Variants in LETM1 observed in about 807,000 individuals in gnomAD.
LETM1 encodes the protein leucine zipper and EF-hand containing transmembrane protein 1, also known as mitochondrial proton/calcium exchanger protein.
Under a neutral mutation model 74.5 loss-of-function variants are expected in LETM1, and 50 were observed. That is an observed-to-expected ratio of 0.67 (90% CI 0.53 to 0.85). LETM1 has a LOEUF of 0.85. LETM1 is among the 40% of genes least tolerant of loss of function. The pLI, the probability that LETM1 is intolerant of heterozygous loss-of-function variation, is 0.00. For missense variants in LETM1, 824 were observed against 967.8 expected (o/e 0.85, Z 1.97); for synonymous variants, 446 against 407.1 (o/e 1.10, Z -1.15).
chr4:1,815,578 G>A, intron 13 of LETM1, 86 bp downstream of exon 13: 9 of 1,482,124 alleles, frequency 6.1e-6, no homozygotes, highest in South Asian at 1.2e-5. Flanking sequence ...CCAGGAGGGT[G>A]CCGGACATGC....
At chr4:1,822,922 G>A (rs1711837210) in intron 9 of LETM1, 66 bp downstream of exon 9, 2 of 1,293,694 alleles carry the variant, frequency 1.5e-6, no homozygotes, top group East Asian at 3.0e-5. Flanking sequence ...CTGTGGGCGT[G>A]CGGGGGTTTC....
In LETM1 at chr4:1,816,774, C is replaced by T; in HGVS notation, c.1884G>A (p.Met628Ile). 6.2e-7 allele frequency: 1 copy of T among 1,614,216 alleles called. No homozygotes were observed. Among genetic ancestry groups the T allele is most frequent in the South Asian group, 1.1e-5 (1 of 91,090 alleles). ...QIDGLISQLE[M>I]DQQAGKLAPA... ...GGGCCAGCTTGCCAGCCTGCTGGTC[C>T]ATCTCCAGCTGCGAGATCAAGCCAT... Residue 628 changes from methionine to isoleucine, a missense_variant, in exon 12 of 14, where the codon ATG becomes ATA. Physicochemically the swap from Met to Ile is conservative, Grantham distance 10. Around this residue, in one of 4 missense-constraint regions of LETM1, gnomAD observed 161 missense variants for 252.7 expected, o/e 0.64. Transcript: ENST00000302787.
rs1713192787 is a variant in LETM1, at chr4:1,855,102, G to A, written c.82+767C>T. 2.0e-5 allele frequency among the ~76,000 whole-genome samples: 3 copies of A among 152,132 alleles called. No homozygotes were observed. The South Asian group carries it at 6.2e-4, about 32-fold the overall frequency. On this transcript the variant is annotated intron_variant, in intron 1 of 13. Coordinates refer to ENST00000302787, the MANE Select transcript of LETM1 (RefSeq NM_012318.3). Reference sequence around the variant, plus strand: ...CTTGGGAGGCTGAGGCAGAAGGATAGCTTGAGCCCAGGAGTTTGAGGTGCA... The same window carrying A: ...CTTGGGAGGCTGAGGCAGAAGGATAACTTGAGCCCAGGAGTTTGAGGTGCA...
intron 6 of LETM1, among the ~76,000 whole-genome samples, chr4:1,829,998 C>T (rs908260943): frequency 1.3e-5 from 2 of 152,222 alleles, no homozygotes; most frequent in East Asian, 1.9e-4. Context: ...AGGGTTCACT[C>T]AGCTTCTGAA....
intron 6 of LETM1, among the ~76,000 whole-genome samples, chr4:1,828,172 C>T (rs1181319885): frequency 2.9e-5 from 3 of 104,600 alleles, no homozygotes; most frequent in Non-Finnish European, 4.0e-5. Flanking sequence ...TAGGGGCGGC[C>T]GGGCAGAGGC....
At chr4:1,814,599 T>G in intron 13 of LETM1, 26 bp from the exon 14 acceptor site, 1 of 1,602,590 alleles carries the variant, frequency 6.2e-7, no homozygotes, top group Non-Finnish European at 8.5e-7. Flanking sequence ...AGGGAGAGGC[T>G]CAGGTGGCTG....
chr4:1,816,713 A>C lies in LETM1; in HGVS notation c.1931+14T>G, dbSNP rs777172217. 287 of 1,609,654 alleles carry C rather than the reference A, an allele frequency of 1.8e-4. No homozygotes were observed. Among genetic ancestry groups the C allele is most frequent in the Non-Finnish European group, 2.3e-4 (274 of 1,176,564 alleles). On this transcript the variant is annotated intron_variant, in intron 12 of 13. Coordinates refer to ENST00000302787, the MANE Select transcript of LETM1 (RefSeq NM_012318.3). ...AGTCTCCGATCCCTCTCCCGCGCCC[A>C]CCACCCCACTCACCCCGTGGGCATG...
intron 2 of LETM1, among the ~76,000 whole-genome samples, chr4:1,842,006 C>T (rs1001875471): frequency 6.6e-6 from 1 of 152,144 alleles, no homozygotes; most frequent in Non-Finnish European, 1.5e-5. Context: ...CCCCCTCAGC[C>T]CCACACCACG....
intron 2 of LETM1, chr4:1,846,624 C>T (rs1385026467): frequency 6.6e-6 from 1 of 152,180 alleles, no homozygotes; most frequent in Admixed American, 6.6e-5. Context: ...AATTCAACAT[C>T]CATTCCTAAT....
At position 1,823,015 on chromosome 4, in the gene LETM1, C is replaced by T; in HGVS notation, c.1449G>A (p.Lys483=). ...EAAIQQEHRE[K]ELQKRSEVAK... is the part of the protein sequence containing the mutation. ...CCACCTCCGAGCGCTTCTGCAGCTC[C>T]TTCTCACGGTGCTCCTGCTGGATGG... The change falls in exon 9 of 14, where the codon AAG becomes AAA. Residue 483 remains lysine (K), a synonymous_variant. Transcript: ENST00000302787. The T allele has an allele frequency of 6.2e-7, 1 of 1,605,892 alleles. No individual in the cohort carries two copies. The highest frequency in any genetic ancestry group is 8.5e-7 in the Non-Finnish European group (1 of 1,175,370).
chr4:1,850,751 G>A (rs970806836), intron 1 of LETM1, among the ~76,000 whole-genome samples: 4 of 151,528 alleles, frequency 2.6e-5, no homozygotes, highest in African/African-American at 7.3e-5. Flanking sequence ...GATCACCTGA[G>A]GTCAGGAGTT....
intron 13 of LETM1, 48 bp downstream of exon 13, chr4:1,815,616 C>T (rs778993898): frequency 1.2e-6 from 2 of 1,607,326 alleles, no homozygotes; most frequent in African/African-American, 1.3e-5. Context: ...CCCCACCCCA[C>T]TCCAGAGCAG....
Position 1,812,575 on chromosome 4 carries a change from C to T in LETM1, c.*1849G>A, listed in dbSNP as rs1297695858. On this transcript the variant is annotated 3_prime_UTR_variant, in exon 14 of 14. Coordinates refer to ENST00000302787, the MANE Select transcript of LETM1 (RefSeq NM_012318.3). ...CACAAAGCTCATATTTCTGGATCCA[C>T]CACTGCTTACATTTGCACCCAGACA... The T allele has an allele frequency of 6.6e-6, 1 of 152,250 alleles. No homozygotes were observed. The highest frequency in any genetic ancestry group is 1.5e-5 in the Non-Finnish European group (1 of 68,040). The allele number at this position is 152,250 out of a possible 1,614,324, so 9.4% of individuals were successfully genotyped here.
intron 2 of LETM1, among the ~76,000 whole-genome samples, chr4:1,842,314 G>A (rs1446280365): frequency 2.0e-5 from 3 of 152,154 alleles, no homozygotes; most frequent in East Asian, 3.9e-4. Flanking sequence ...CTAGCTGCCC[G>A]CAGGCACCAG....
At chr4:1,822,717 T>C in intron 9 of LETM1, 1 of 373,234 alleles carries the variant, frequency 2.7e-6, no homozygotes, top group Non-Finnish European at 4.7e-6. Context: ...GAGGAGAGGG[T>C]GGGCACTGCC....
In LETM1 at chr4:1,828,751, G is replaced by A. The variant is rs1303621800; in HGVS notation, c.1081-3068C>T. Among the ~76,000 whole-genome samples the A allele has an allele frequency of 6.4e-5, 9 of 140,472 alleles. No individual in the cohort carries two copies. The East Asian group carries it at 1.8e-3, about 29-fold the overall frequency. 92.2% of individuals were successfully genotyped at this position (140,472 alleles called of 152,430 possible). A position where few individuals can be genotyped will look rare whatever the true frequency, so the allele number is the denominator to read the frequency against. On this transcript the variant is annotated intron_variant, in intron 6 of 13. Coordinates refer to ENST00000302787, the MANE Select transcript of LETM1 (RefSeq NM_012318.3). The stretch of plus-strand genomic sequence containing the variant: ...CAGAGGGGCTCCCCACTTCCCAGCA[G>A]GGGCGGCCGGGCAGAGGCGCCCCCC...
intron 11 of LETM1, among the ~76,000 whole-genome samples, chr4:1,819,028 G>A (rs1211485497): frequency 6.6e-6 from 1 of 150,990 alleles, no homozygotes; most frequent in Non-Finnish European, 1.5e-5. Context: ...AGGTTGCAAT[G>A]AGCTGAAATT....
chr4:1,852,940 A>C (rs1713114150), intron 1 of LETM1, among the ~76,000 whole-genome samples: 1 of 152,184 alleles, frequency 6.6e-6, no homozygotes, highest in South Asian at 2.1e-4. Context: ...AGGTCAAAGA[A>C]CAAACAAACC....
At chr4:1,849,889 G>A (rs1222534156) in intron 1 of LETM1, among the ~76,000 whole-genome samples, 1 of 152,154 alleles carries the variant, frequency 6.6e-6, no homozygotes, top group Non-Finnish European at 1.5e-5. Context: ...GGGCGCCGTG[G>A]CTCACGCCTG....
Sources: allele counts gnomAD v4.1 joint callset (sites outside exome capture counted in the v4.1 genomes callset), GRCh38; gene constraint gnomAD v4.1.1; regional missense constraint gnomAD v4.1.1; transcripts MANE v1.5; gene names NCBI Gene and HGNC (gene_info 2026-07-23, HGNC 2026-07-21).